KCNN1: variants seen among roughly 807,000 people sequenced by gnomAD.
The protein encoded by KCNN1 is small conductance calcium-activated potassium channel protein 1.
Under a neutral mutation model 44.7 loss-of-function variants are expected in KCNN1, and 20 were observed. The observed-to-expected ratio is 0.45, with a 90% CI of 0.32 to 0.65. KCNN1 has a LOEUF of 0.65. KCNN1 is among the 30% of genes least tolerant of loss of function. The pLI is 0.05. For synonymous variants in KCNN1, 324 were observed against 341.7 expected, an observed-to-expected ratio of 0.95 and a Z score of 0.57; for missense variants, 632 against 785.3, an observed-to-expected ratio of 0.80 and a Z score of 2.33.
At chr19:17,973,663 A>T in intron 1 of KCNN1, 145 bp from the exon 2 acceptor site, 1 of 905,694 alleles carries the variant, frequency 1.1e-6, no homozygotes, top group Non-Finnish European at 1.6e-6. Context: ...AGGCTGACTC[A>T]GATGTTTCTG....
intron 2 of KCNN1, among the ~76,000 whole-genome samples, chr19:17,959,167 C>T (rs948544425): frequency 6.6e-6 from 1 of 151,274 alleles, no homozygotes; most frequent in African/African-American, 2.4e-5. Flanking sequence ...TGGGATTATA[C>T]GCGTGCGCCA....
intron 7 of KCNN1, among the ~76,000 whole-genome samples, chr19:17,990,822 AAAG>A (rs1170703529): frequency 1.3e-5 from 2 of 151,588 alleles, no homozygotes; most frequent in Admixed American, 1.3e-4. Flanking sequence ...AAAGAAAGAA[AAAG>A]AAAAAAAAGA....
At position 17,974,162 on chromosome 19, in the gene KCNN1, C is replaced by G; in HGVS notation, c.274C>G (p.Arg92Gly). The G allele has an allele frequency of 1.2e-6, 2 of 1,613,612 alleles. No individual in the cohort carries two copies. The highest frequency in any genetic ancestry group is 1.7e-6 in the Non-Finnish European group (2 of 1,179,870). Residue 92 changes from arginine to glycine, a missense_variant, in exon 2 of 10, where the codon CGC becomes GGC. Physicochemically the swap from Arg to Gly is moderately radical, Grantham distance 125. Coordinates refer to ENST00000684775, the MANE Select transcript of KCNN1 (RefSeq NM_001386974.1). The surrounding 1 kb of genome is among the most constrained non-coding windows in gnomAD (Gnocchi z 7.3). ...ASGKPSNVGH[R>G]LGHRRALFEK... ...GGGGAAACCCTCAAATGTGGGCCACCGCCTGGGCCACCGGCGGGCGCTCTT... is the reference window on the plus strand; with the variant it reads ...GGGGAAACCCTCAAATGTGGGCCACGGCCTGGGCCACCGGCGGGCGCTCTT...
intron 2 of KCNN1, among the ~76,000 whole-genome samples, chr19:17,957,701 G>T (rs60358851): frequency 0.02 from 3,072 of 152,244 alleles, 106 homozygotes; most frequent in African/African-American, 0.069. Context: ...TAGGAGCCAA[G>T]CTACAAGGAA....
chr19:17,981,831 C>T lies in KCNN1; in HGVS notation c.621C>T (p.Phe207=). 2 of 1,613,176 alleles carry T rather than the reference C, an allele frequency of 1.2e-6. No individual in the cohort carries two copies. The highest frequency in any genetic ancestry group is 1.7e-6 in the Non-Finnish European group (2 of 1,179,510). The change falls in exon 4 of 10, where the codon TTC becomes TTT. Residue 207 remains phenylalanine, a synonymous_variant. Coordinates refer to ENST00000684775, the MANE Select transcript of KCNN1 (RefSeq NM_001386974.1). The stretch of plus-strand genomic sequence containing the variant: ...ACCCGGTGCCCGGCCACTACCGCTT[C>T]ACGTGGACGGCGCGGCTGGCCTTCA... ...AIHPVPGHYR[F]TWTARLAFTY...
At chr19:17,952,769 G>A (rs1233398278) in intron 1 of KCNN1, among the ~76,000 whole-genome samples, 2 of 152,086 alleles carry the variant, frequency 1.3e-5, no homozygotes, top group Non-Finnish European at 2.9e-5. Flanking sequence ...CGCAGTAGGA[G>A]GGAACCCCCC....
Position 17,987,836 on chromosome 19 carries a change from CAAAAAAAAAAAA to C in KCNN1, c.1060-569_1060-558del, listed in dbSNP as rs973068020. ...ACATAGTGAGACCCCATATCGCTACCAAAAAAAAAAAAAAAAAAAAACAGGGCCAGGCGCAGT... is the reference window on the plus strand; with the variant it reads ...ACATAGTGAGACCCCATATCGCTACCAAAAAAAAACAGGGCCAGGCGCAGT... On this transcript the variant is annotated intron_variant, in intron 5 of 9. Transcript: ENST00000684775. Among the ~76,000 whole-genome samples the C allele has an allele frequency of 4.6e-4, 25 of 54,580 alleles. No homozygotes were observed. The Admixed American group carries it at 4.9e-3, about 11-fold the overall frequency. The allele number at this position is 54,580 out of a possible 152,430, so 35.8% of individuals were successfully genotyped here.
In KCNN1 at chr19:17,983,013, CAAA is replaced by C. The variant is rs10574788; in HGVS notation, c.917+896_917+898del. ...TGAGATTGCGCCACTGCACTCCAGT[CAAA>C]AAAAAAAAAGACAAATAAATGGGTC... On this transcript the variant is annotated intron_variant, in intron 4 of 9. Coordinates refer to ENST00000684775, the MANE Select transcript of KCNN1 (RefSeq NM_001386974.1). The surrounding 1 kb of genome is among the most constrained non-coding windows in gnomAD (Gnocchi z 4.5). 2.1e-5 allele frequency among the ~76,000 whole-genome samples: 3 copies of C among 144,820 alleles called. No homozygotes were observed. The highest frequency in any genetic ancestry group is 1.4e-4 in the Admixed American group (2 of 14,484).
At chr19:17,954,974 G>T (rs2031505491) in intron 2 of KCNN1, among the ~76,000 whole-genome samples, 1 of 150,632 alleles carries the variant, frequency 6.6e-6, no homozygotes. Context: ...GGAGGCAGAG[G>T]TTGCAGTGAG....
At chr19:17,958,480 C>CTTTTTT (rs71164331) in intron 2 of KCNN1, among the ~76,000 whole-genome samples, 1 of 99,564 alleles carries the variant, frequency 1.0e-5, no homozygotes, top group Non-Finnish European at 2.0e-5. Flanking sequence ...GACCCTGTCT[C>CTTTTTT]TTTTTTTTTT....
At chr19:17,995,249 C>T (rs74216536) in intron 9 of KCNN1, among the ~76,000 whole-genome samples, 26,116 of 150,670 alleles carry the variant, frequency 0.17, 2,419 homozygotes, top group East Asian at 0.36. Context: ...CATGGCTCAC[C>T]GCAGCCTCAA....
At chr19:17,997,279 C>T (rs1236581735) in intron 9 of KCNN1, among the ~76,000 whole-genome samples, 1 of 152,176 alleles carries the variant, frequency 6.6e-6, no homozygotes, top group Non-Finnish European at 1.5e-5. Context: ...CAGGGTCCCC[C>T]CTCCTCTTCT....
intron 1 of KCNN1, chr19:17,954,498 T>G (rs1264140176): frequency 6.6e-6 from 1 of 152,462 alleles, no homozygotes; most frequent in Non-Finnish European, 1.5e-5. Flanking sequence ...GTCCGGGAGC[T>G]GTCTGCACCC....
At chr19:17,994,302 C>A (rs2032906582) in intron 9 of KCNN1, among the ~76,000 whole-genome samples, 2 of 151,854 alleles carry the variant, frequency 1.3e-5, no homozygotes, top group Non-Finnish European at 2.9e-5. Context: ...AAAAAATTAA[C>A]CAGGCATGGT....
chr19:17,967,448 C>T, intron 1 of KCNN1, 131 bp downstream of exon 1: 1 of 295,830 alleles, frequency 3.4e-6, no homozygotes, highest in Non-Finnish European at 5.0e-6. Context: ...TCCGTGCGGT[C>T]CGGAGCCTAG....
intron 5 of KCNN1, 68 bp from the exon 6 acceptor site, chr19:17,988,347 C>A: frequency 7.6e-7 from 1 of 1,314,132 alleles, no homozygotes; most frequent in Non-Finnish European, 1.1e-6. Flanking sequence ...GCAATCTGGG[C>A]AGGCTTCCTG....
Position 17,982,077 on chromosome 19 carries a change from C to T in KCNN1, c.867C>T (p.Phe289=), listed in dbSNP as rs757260798. 1.6e-5 allele frequency: 25 copies of T among 1,606,320 alleles called. 1 individual carries two copies. The South Asian group carries it at 1.8e-4, about 11-fold the overall frequency. Reference sequence around the variant, plus strand: ...GCCCCGGCACCGTGCTGCTGGTCTTCAGCATCTCCTCCTGGATCATCGCAG... The same window carrying T: ...GCCCCGGCACCGTGCTGCTGGTCTTTAGCATCTCCTCCTGGATCATCGCAG... ...TICPGTVLLV[F]SISSWIIAAW... Residue 289 remains phenylalanine (F), a synonymous_variant, in exon 4 of 10, where the codon TTC becomes TTT. Coordinates refer to ENST00000684775, the MANE Select transcript of KCNN1 (RefSeq NM_001386974.1).
chr19:17,978,519 C>T (rs1433719448), intron 3 of KCNN1, among the ~76,000 whole-genome samples: 1 of 151,210 alleles, frequency 6.6e-6, no homozygotes, highest in East Asian at 1.9e-4. Flanking sequence ...CTTGTACCTC[C>T]TGGGATCAAG....
At position 17,981,908 on chromosome 19, in the gene KCNN1, C is replaced by T. The variant is rs1441917085; in HGVS notation, c.698C>T (p.Pro233Leu). Residue 233 changes from proline (P) to leucine (L), a missense_variant, in exon 4 of 10, where the codon CCC becomes CTC. Around this residue, in one of 3 missense-constraint regions of KCNN1, gnomAD observed 160 missense variants for 308.3 expected, o/e 0.52. Coordinates refer to ENST00000684775, the MANE Select transcript of KCNN1 (RefSeq NM_001386974.1). Reference protein sequence around the residue: ...EADVDVLLSIPMFLRLYLLGR... With the variant: ...EADVDVLLSILMFLRLYLLGR... Reference sequence around the variant, plus strand: ...GACGTGGACGTGCTGCTGTCCATCCCCATGTTCCTGCGCCTCTACCTGCTG... The same window carrying T: ...GACGTGGACGTGCTGCTGTCCATCCTCATGTTCCTGCGCCTCTACCTGCTG... 2.5e-6 allele frequency: 4 copies of T among 1,613,158 alleles called. No individual in the cohort carries two copies. The highest frequency in any genetic ancestry group is 3.3e-5 in the Admixed American group (2 of 59,962).
Sources: gnomAD v4.1 joint callset for allele counts (sites outside exome capture counted in the v4.1 genomes callset) on GRCh38, gnomAD v4.1.1 for gene constraint, gnomAD v4.1.1 regional missense constraint, Gnocchi (gnomAD v3.1) non-coding constraint, MANE v1.5 for transcripts, NCBI Gene and HGNC (gene_info 2026-07-23, HGNC 2026-07-21) for gene names.